CCDC178: variants seen among roughly 807,000 people sequenced by gnomAD.
CCDC178 encodes the protein coiled-coil domain-containing protein 178.
Under a neutral mutation model 117.4 loss-of-function variants are expected in CCDC178, and 126 were observed. The observed-to-expected ratio is 1.07, with a 90% confidence interval of 0.93 to 1.24. The LOEUF is 1.24. CCDC178 is among the 50% of genes most tolerant of loss of function. The pLI, the probability that CCDC178 is intolerant of heterozygous loss-of-function variation, is 0.00. For synonymous variants in CCDC178, 283 were observed against 313.4 expected, an observed-to-expected ratio of 0.90 and a Z score of 1.02; for missense variants, 1,030 against 986.9, an observed-to-expected ratio of 1.04 and a Z score of -0.59.
chr18:33,120,205 A>G (rs1295568956), intron 20 of CCDC178, among the ~76,000 whole-genome samples: 3 of 151,232 alleles, frequency 2.0e-5, no homozygotes, highest in African/African-American at 7.3e-5. Context: ...GAAAAAAAAA[A>G]GAAACTTCTA....
rs761995920 is a variant in CCDC178, at chr18:33,397,209, C to T, written c.59-1G>A. On this transcript the variant is annotated splice_acceptor_variant, in intron 3 of 22. Transcript: ENST00000383096. LOFTEE classifies it high-confidence loss of function. ...GCCTTTACTTCCTGACATGTTAAACCTATAAAAGGTAAAATAAAACAAAAT... is the reference window on the plus strand; with the variant it reads ...GCCTTTACTTCCTGACATGTTAAACTTATAAAAGGTAAAATAAAACAAAAT... 1.9e-6 allele frequency: 3 copies of T among 1,599,198 alleles called. No homozygotes were observed. The highest frequency in any genetic ancestry group is 2.6e-6 in the Non-Finnish European group (3 of 1,168,768).
At chr18:33,231,583 CT>C (rs1568074531) in intron 15 of CCDC178, among the ~76,000 whole-genome samples, 1 of 152,160 alleles carries the variant, frequency 6.6e-6, no homozygotes, top group Non-Finnish European at 1.5e-5. Flanking sequence ...TGCAGTTTTA[CT>C]TTTGGAGTAA....
intron 9 of CCDC178, among the ~76,000 whole-genome samples, chr18:33,343,885 T>A (rs4799693): frequency 0.43 from 66,024 of 152,050 alleles, 15,812 homozygotes; most frequent in African/African-American, 0.65. Flanking sequence ...AAAATATATG[T>A]CTCTATACTT....
intron 22 of CCDC178, among the ~76,000 whole-genome samples, chr18:32,964,609 T>C (rs951841667): frequency 4.6e-5 from 7 of 151,976 alleles, no homozygotes; most frequent in African/African-American, 1.7e-4. Flanking sequence ...ACAGGGCACA[T>C]TGTATATACA....
intron 20 of CCDC178, among the ~76,000 whole-genome samples, chr18:33,160,092 A>C (rs757810987): frequency 3.3e-5 from 5 of 152,124 alleles, no homozygotes; most frequent in Non-Finnish European, 5.9e-5. Context: ...AAAGCATTGG[A>C]ATATGGCCCT....
intron 12 of CCDC178, among the ~76,000 whole-genome samples, chr18:33,274,517 A>C (rs2059924939): frequency 6.6e-6 from 1 of 151,918 alleles, no homozygotes; most frequent in South Asian, 2.1e-4. Flanking sequence ...CCATCTACTA[A>C]AGAATGGATA....
intron 20 of CCDC178, among the ~76,000 whole-genome samples, chr18:33,150,945 C>T (rs1296003377): frequency 6.6e-6 from 1 of 152,130 alleles, no homozygotes; most frequent in East Asian, 1.9e-4. Context: ...ATGTCTTTTG[C>T]AGCAACTTGG....
At chr18:32,941,421 C>T (rs1032188555) in intron 22 of CCDC178, among the ~76,000 whole-genome samples, 3 of 151,916 alleles carry the variant, frequency 2.0e-5, no homozygotes, top group Admixed American at 6.6e-5. Flanking sequence ...AACAATTGAA[C>T]AGGAAAACAT....
chr18:33,092,288 T>C (rs1273432331), intron 21 of CCDC178, among the ~76,000 whole-genome samples: 1 of 152,094 alleles, frequency 6.6e-6, no homozygotes, highest in African/African-American at 2.4e-5. Context: ...TTATAAAATA[T>C]ATTTAGAATT....
intron 20 of CCDC178, among the ~76,000 whole-genome samples, chr18:33,168,562 TA>T (rs2058561055): frequency 6.6e-6 from 1 of 152,176 alleles, no homozygotes; most frequent in African/African-American, 2.4e-5. Flanking sequence ...AAACTGTTAA[TA>T]AAAATAAATT....
chr18:33,037,807 A>G (rs2056473179), intron 21 of CCDC178, among the ~76,000 whole-genome samples: 1 of 151,944 alleles, frequency 6.6e-6, no homozygotes, highest in African/African-American at 2.4e-5. Flanking sequence ...AGTGACCATC[A>G]GTAAAAATGA....
At chr18:32,979,661 T>C (rs980932983) in intron 21 of CCDC178, among the ~76,000 whole-genome samples, 1 of 152,156 alleles carries the variant, frequency 6.6e-6, no homozygotes, top group African/African-American at 2.4e-5. Flanking sequence ...AAGAGTGTCA[T>C]GGACAAATCA....
At chr18:33,315,874 GATA>G (rs752080062) in intron 11 of CCDC178, among the ~76,000 whole-genome samples, 4 of 152,322 alleles carry the variant, frequency 2.6e-5, no homozygotes, top group South Asian at 4.1e-4. Context: ...TTGTGTTAAA[GATA>G]ATAATACCGA....
chr18:33,248,731 T>G (rs1051781107), intron 14 of CCDC178, among the ~76,000 whole-genome samples: 3 of 151,902 alleles, frequency 2.0e-5, no homozygotes, highest in Non-Finnish European at 2.9e-5. Context: ...AAACATACGT[T>G]TGCATGTGTC....
chr18:32,978,040 G>C (rs2055064000), intron 21 of CCDC178, among the ~76,000 whole-genome samples: 1 of 152,054 alleles, frequency 6.6e-6, no homozygotes, highest in Admixed American at 6.6e-5. Flanking sequence ...GTCAAATGAG[G>C]AGAAGCAGCT....
intron 20 of CCDC178, among the ~76,000 whole-genome samples, chr18:33,202,526 G>A (rs566442334): frequency 6.6e-6 from 1 of 151,520 alleles, no homozygotes; most frequent in Admixed American, 6.6e-5. Flanking sequence ...CAACCAGGAT[G>A]GCACCACCTC....
At chr18:33,156,101 T>G (rs74796978) in intron 20 of CCDC178, among the ~76,000 whole-genome samples, 1 of 146,194 alleles carries the variant, frequency 6.8e-6, no homozygotes, top group South Asian at 2.2e-4. Context: ...TTTTTTTTTT[T>G]TTTTTGAGAC....
At chr18:33,322,803 G>C (rs2062530751) in intron 11 of CCDC178, among the ~76,000 whole-genome samples, 1 of 151,218 alleles carries the variant, frequency 6.6e-6, no homozygotes, top group Non-Finnish European at 1.5e-5. Flanking sequence ...ATGTTATCTA[G>C]GTTGTGAAAT....
chr18:33,117,229 G>A (rs994643540), intron 20 of CCDC178, among the ~76,000 whole-genome samples: 1 of 152,038 alleles, frequency 6.6e-6, no homozygotes, highest in Non-Finnish European at 1.5e-5. Context: ...AAATCAAGTG[G>A]GTAAGATGGT....
Sources: gnomAD v4.1 joint callset for allele counts (sites outside exome capture counted in the v4.1 genomes callset) on GRCh38, gnomAD v4.1.1 for gene constraint, MANE v1.5 for transcripts, NCBI Gene and HGNC (gene_info 2026-07-23, HGNC 2026-07-21) for gene names.